DNAH6: variants seen among roughly 807,000 people sequenced by gnomAD.
DNAH6 encodes the protein dynein axonemal heavy chain 6, also known as axonemal beta dynein heavy chain 6.
In DNAH6, 340 loss-of-function variants were observed where a neutral mutation model predicts 491.4. The ratio of observed to expected loss-of-function variants is 0.69; its 90% confidence interval spans 0.63 to 0.76. The LOEUF (loss-of-function observed/expected upper bound fraction) is 0.76, where lower values mean the gene tolerates loss of function less well. Ranked by LOEUF, DNAH6 falls within the 30% of genes least tolerant of loss-of-function variation. The pLI is 0.00. For missense variants in DNAH6, 4,443 were observed against 4,972.2 expected (o/e 0.89, Z 3.20); for synonymous variants, 1,603 against 1,686.1 (o/e 0.95, Z 1.21).
chr2:84,538,147 T>G lies in DNAH6; in HGVS notation c.663-6086T>G, dbSNP rs149995583. Among the ~76,000 whole-genome samples the G allele has an allele frequency of 4.6e-5, 7 of 152,222 alleles. No individual in the cohort carries two copies. In the East Asian group the frequency reaches 1.4e-3, roughly 29 times the overall value. On this transcript the variant is annotated intron_variant, in intron 4 of 76. Coordinates refer to ENST00000389394, the MANE Select transcript of DNAH6 (RefSeq NM_001370.2). ...TTGGATTTTAGAACCCAAGTCCTCA[T>G]GCACGCCACTTAATATACTCATCCT... is the stretch of plus-strand genomic sequence containing the variant.
intron 64 of DNAH6, among the ~76,000 whole-genome samples, chr2:84,779,967 TC>T: frequency 6.6e-6 from 1 of 152,226 alleles, no homozygotes. Context: ...AGTTCTGTTA[TC>T]TCTTCTGGCT....
chr2:84,769,658 A>G (rs1675427599), intron 64 of DNAH6, among the ~76,000 whole-genome samples: 1 of 152,114 alleles, frequency 6.6e-6, no homozygotes, highest in African/African-American at 2.4e-5. Flanking sequence ...CACAGGTCTT[A>G]ATTTTATTTA....
chr2:84,500,487 T>C, the DNAH6 span, among the ~76,000 whole-genome samples: 1 of 152,250 alleles, frequency 6.6e-6, no homozygotes, highest in East Asian at 1.9e-4. Context: ...TTGCTCTTTT[T>C]GCTCAGGATA....
intron 62 of DNAH6, among the ~76,000 whole-genome samples, chr2:84,744,510 C>T (rs926054246): frequency 5.3e-5 from 8 of 152,118 alleles, no homozygotes; most frequent in South Asian, 2.1e-4. Context: ...AATATGTCAA[C>T]GTATTCAGCT....
At chr2:84,462,206 C>T in the DNAH6 span, among the ~76,000 whole-genome samples, 25 of 152,302 alleles carry the variant, frequency 1.6e-4, no homozygotes, top group Admixed American at 1.6e-3. Flanking sequence ...TATCTGATTG[C>T]TCCCTCTGCC....
chr2:84,687,603 G>A (rs1271863170), intron 44 of DNAH6, among the ~76,000 whole-genome samples: 1 of 152,096 alleles, frequency 6.6e-6, no homozygotes, highest in African/African-American at 2.4e-5. Flanking sequence ...TGTGTTTCTA[G>A]TTGATTGTAT....
chr2:84,555,804 G>C (rs1558707059), intron 10 of DNAH6, among the ~76,000 whole-genome samples: 1 of 152,116 alleles, frequency 6.6e-6, no homozygotes, highest in Admixed American at 6.5e-5. Flanking sequence ...GCCCAAGCCA[G>C]CAATCTGGGA....
At chr2:84,466,621 T>A in the DNAH6 span, among the ~76,000 whole-genome samples, 1 of 152,248 alleles carries the variant, frequency 6.6e-6, no homozygotes, top group Admixed American at 6.5e-5. Flanking sequence ...AACTTCTGTT[T>A]AATAGTTATG....
chr2:84,759,234 G>A (rs890335836), intron 63 of DNAH6, among the ~76,000 whole-genome samples: 28 of 151,658 alleles, frequency 1.8e-4, no homozygotes, highest in Non-Finnish European at 2.8e-4. Flanking sequence ...CTGGCTGGGC[G>A]CAGTGACTCA....
chr2:84,776,591 T>G (rs1676146191), intron 64 of DNAH6, among the ~76,000 whole-genome samples: 1 of 152,226 alleles, frequency 6.6e-6, no homozygotes, highest in African/African-American at 2.4e-5. Flanking sequence ...TCTAGATCCT[T>G]GAGGAATCTC....
intron 17 of DNAH6, 142 bp from the exon 18 acceptor site, chr2:84,595,504 T>C (rs1684491860): frequency 1.4e-6 from 1 of 712,754 alleles, no homozygotes; most frequent in Non-Finnish European, 2.2e-6. Flanking sequence ...ATATATAATG[T>C]TATTAGCAAT....
intron 45 of DNAH6, among the ~76,000 whole-genome samples, chr2:84,690,646 G>A (rs1192303): frequency 0.11 from 16,339 of 152,226 alleles, 1,540 homozygotes; most frequent in African/African-American, 0.25. Context: ...TTTGTAGCAT[G>A]GTGAAGATTT....
chr2:84,626,150 G>A (rs1048584677), intron 29 of DNAH6, among the ~76,000 whole-genome samples: 1 of 151,584 alleles, frequency 6.6e-6, no homozygotes, highest in African/African-American at 2.4e-5. Flanking sequence ...ATCCTTGTTT[G>A]GCTTTATTTT....
At chr2:84,553,570 C>T (rs1679716872) in intron 10 of DNAH6, among the ~76,000 whole-genome samples, 1 of 150,816 alleles carries the variant, frequency 6.6e-6, no homozygotes, top group Non-Finnish European at 1.5e-5. Flanking sequence ...TCAAGCAATC[C>T]TCTCACCTCA....
intron 72 of DNAH6, among the ~76,000 whole-genome samples, chr2:84,811,972 C>A (rs1047242484): frequency 1.3e-5 from 2 of 152,176 alleles, no homozygotes; most frequent in African/African-American, 4.8e-5. Context: ...CCCATCTCCC[C>A]CTCCTCCTCA....
chr2:84,706,394 G>A (rs1250495987), intron 52 of DNAH6, among the ~76,000 whole-genome samples: 2 of 152,088 alleles, frequency 1.3e-5, no homozygotes, highest in Non-Finnish European at 2.9e-5. Flanking sequence ...ATTTCACACA[G>A]TTATCACATT....
intron 16 of DNAH6, 78 bp downstream of exon 16, chr2:84,589,032 T>C: frequency 7.8e-7 from 1 of 1,289,884 alleles, no homozygotes; most frequent in Non-Finnish European, 1.0e-6. Context: ...TTCAATAATG[T>C]AACTGTAAAC....
intron 10 of DNAH6, among the ~76,000 whole-genome samples, chr2:84,553,424 T>C (rs962871273): frequency 6.8e-6 from 1 of 147,252 alleles, no homozygotes; most frequent in South Asian, 2.2e-4. Context: ...TTTCTTTCTT[T>C]CTTTCTTTCT....
At chr2:84,463,225 G>A in the DNAH6 span, among the ~76,000 whole-genome samples, 1 of 152,202 alleles carries the variant, frequency 6.6e-6, no homozygotes, top group African/African-American at 2.4e-5. Context: ...CAGCAAGGGT[G>A]TGAAGGGAGG....
Sources: gnomAD v4.1 joint callset for allele counts (sites outside exome capture counted in the v4.1 genomes callset) on GRCh38, gnomAD v4.1.1 for gene constraint, MANE v1.5 for transcripts, NCBI Gene and HGNC (gene_info 2026-07-23, HGNC 2026-07-21) for gene names.